Variants in PTPRN2 observed in about 807,000 individuals in gnomAD.
PTPRN2 encodes receptor-type tyrosine-protein phosphatase N2.
PTPRN2 carries 74 observed loss-of-function variants against 118.8 expected under a neutral mutation model. The observed-to-expected ratio is 0.62, with a 90% CI of 0.52 to 0.76. The LOEUF (loss-of-function observed/expected upper bound fraction) is 0.76, where lower values mean the gene tolerates loss of function less well. Among genes scored for constraint, PTPRN2 ranks in the 30% least tolerant of loss-of-function variants. The pLI is 0.00. For missense variants in PTPRN2, 1,481 were observed against 1,394.4 expected, an observed-to-expected ratio of 1.06 and a Z score of -0.99; for synonymous variants, 641 against 608.0, an observed-to-expected ratio of 1.05 and a Z score of -0.80.
At chr7:158,332,780 C>T (rs1335809612) in intron 2 of PTPRN2, among the ~76,000 whole-genome samples, 1 of 151,562 alleles carries the variant, frequency 6.6e-6, no homozygotes, top group Non-Finnish European at 1.5e-5. Flanking sequence ...CATACTCTCA[C>T]CATAAGAGCT....
At chr7:158,381,988 A>G (rs756787179) in intron 2 of PTPRN2, among the ~76,000 whole-genome samples, 1 of 152,108 alleles carries the variant, frequency 6.6e-6, no homozygotes, top group Non-Finnish European at 1.5e-5. Context: ...CCCACAATAC[A>G]TGGGAATTGT....
chr7:157,823,759 T>C (rs1252105339), intron 12 of PTPRN2, among the ~76,000 whole-genome samples: 1 of 152,206 alleles, frequency 6.6e-6, no homozygotes, highest in Non-Finnish European at 1.5e-5. Context: ...TAGTCTACCT[T>C]AAACATCTGG....
chr7:157,922,544 CT>C (rs1344724971), intron 11 of PTPRN2, among the ~76,000 whole-genome samples: 2 of 152,048 alleles, frequency 1.3e-5, no homozygotes, highest in Non-Finnish European at 2.9e-5. Flanking sequence ...CTTACCACTG[CT>C]AAGTGCTGAT....
At chr7:157,685,820 G>T (rs1363638123) in intron 12 of PTPRN2, among the ~76,000 whole-genome samples, 1 of 152,164 alleles carries the variant, frequency 6.6e-6, no homozygotes, top group African/African-American at 2.4e-5. Context: ...GGAGTCCCCG[G>T]AGGGGAAGCA....
intron 1 of PTPRN2, among the ~76,000 whole-genome samples, chr7:158,564,456 C>T (rs1289173214): frequency 6.6e-6 from 1 of 152,240 alleles, no homozygotes; most frequent in African/African-American, 2.4e-5. Context: ...CTGCCAGGCA[C>T]CACCCCCATC....
chr7:157,557,288 C>T (rs1368583590), intron 21 of PTPRN2, among the ~76,000 whole-genome samples: 5 of 151,690 alleles, frequency 3.3e-5, no homozygotes, highest in African/African-American at 9.7e-5. Context: ...ATCACATGTG[C>T]ACACAAACAC....
intron 3 of PTPRN2, among the ~76,000 whole-genome samples, chr7:158,228,826 T>C (rs759676729): frequency 3.9e-5 from 6 of 152,076 alleles, no homozygotes; most frequent in African/African-American, 7.2e-5. Flanking sequence ...GCTGGAGACC[T>C]GTTCCTGCTT....
At chr7:158,527,307 G>A (rs60960992) in intron 1 of PTPRN2, among the ~76,000 whole-genome samples, 4,410 of 146,012 alleles carry the variant, frequency 0.03, 218 homozygotes, top group African/African-American at 0.11. Flanking sequence ...CATGCCCCCC[G>A]CCACCGGAGC....
intron 5 of PTPRN2, among the ~76,000 whole-genome samples, chr7:158,171,342 T>TATAC (rs1823681009): frequency 1.6e-5 from 2 of 124,862 alleles, no homozygotes; most frequent in African/African-American, 3.3e-5. Context: ...TATATATATA[T>TATAC]ATATATACAC....
rs561688102 is a variant in PTPRN2, at chr7:157,951,531, G to A, written c.1724-52794C>T. Among the ~76,000 whole-genome samples the A allele has an allele frequency of 2.5e-3, 375 of 152,256 alleles. 3 individuals are homozygous for A. Among genetic ancestry groups the A allele is most frequent in the African/African-American group, 8.2e-3 (341 of 41,560 alleles). On this transcript the variant is annotated intron_variant, in intron 11 of 22. Coordinates refer to ENST00000389418, the MANE Select transcript of PTPRN2 (RefSeq NM_002847.5). ...GGAGGGTCCCATGGGGCTCCATCAC[G>A]GTCTCTGGGACCCCCCTTCCACTGC...
chr7:157,821,468 G>A (rs1042975861), intron 12 of PTPRN2, among the ~76,000 whole-genome samples: 12 of 152,188 alleles, frequency 7.9e-5, no homozygotes, highest in Non-Finnish European at 1.3e-4. Context: ...CACCATTGAT[G>A]AGCCTGAGAA....
chr7:158,355,542 G>T (rs1808321539), intron 2 of PTPRN2, among the ~76,000 whole-genome samples: 1 of 152,248 alleles, frequency 6.6e-6, no homozygotes, highest in African/African-American at 2.4e-5. Context: ...GCAATGGGCT[G>T]GCCACCAGCA....
rs1002468211 is a variant in PTPRN2, at chr7:158,574,857, G to A, written c.112+12701C>T. 1.3e-5 allele frequency among the ~76,000 whole-genome samples: 2 copies of A among 152,148 alleles called. No individual in the cohort carries two copies. Among genetic ancestry groups the A allele is most frequent in the African/African-American group, 2.4e-5 (1 of 41,430 alleles). On this transcript the variant is annotated intron_variant, in intron 1 of 22. Coordinates refer to ENST00000389418, the MANE Select transcript of PTPRN2 (RefSeq NM_002847.5). This position sits in a 1 kb window ranked among gnomAD's most constrained non-coding sequence, Gnocchi z 4.6. ...AGTGTCCTGCCTACTGCAGGATGTC[G>A]AACAACGTCCCTGTCCGCCATCCAC...
chr7:158,470,000 C>T (rs1052564598), intron 2 of PTPRN2, among the ~76,000 whole-genome samples: 1 of 146,866 alleles, frequency 6.8e-6, no homozygotes, highest in East Asian at 2.0e-4. Context: ...TGTCCTAGTG[C>T]CTCATAAAAG....
Position 157,874,979 on chromosome 7 carries a change from GCACA to G in PTPRN2, c.1788+23690_1788+23693del, listed in dbSNP as rs983413582. 4.0e-5 allele frequency among the ~76,000 whole-genome samples: 6 copies of G among 151,292 alleles called. No homozygotes were observed. The highest frequency in any genetic ancestry group is 8.8e-5 in the Non-Finnish European group (6 of 67,860). ...CTTGTGCACATACACAGAGACACAG[GCACA>G]CACAGGCAGACGCAAACGTGCATGC... is the stretch of plus-strand genomic sequence containing the variant. On this transcript the variant is annotated intron_variant, in intron 12 of 22. Coordinates refer to ENST00000389418, the MANE Select transcript of PTPRN2 (RefSeq NM_002847.5). This position sits in a 1 kb window ranked among gnomAD's most constrained non-coding sequence, Gnocchi z 5.8.
intron 12 of PTPRN2, among the ~76,000 whole-genome samples, chr7:157,811,781 C>A (rs879605812): frequency 1.3e-5 from 2 of 152,124 alleles, no homozygotes; most frequent in African/African-American, 4.8e-5. Context: ...GTCCAAACAG[C>A]GGGTCCAATT....
chr7:158,141,260 C>T (rs985050854), intron 6 of PTPRN2, among the ~76,000 whole-genome samples: 15 of 152,296 alleles, frequency 9.8e-5, no homozygotes, highest in Admixed American at 7.2e-4. Context: ...TTTTTGTCTG[C>T]GTCAAATGCA....
At chr7:157,695,780 G>GT (rs1797737359) in intron 12 of PTPRN2, among the ~76,000 whole-genome samples, 3 of 152,202 alleles carry the variant, frequency 2.0e-5, no homozygotes, top group African/African-American at 7.2e-5. Flanking sequence ...ATAAAAGAAG[G>GT]TAAGTCCATT....
chr7:157,984,208 G>A (rs1803537206), intron 11 of PTPRN2, among the ~76,000 whole-genome samples: 1 of 150,704 alleles, frequency 6.6e-6, no homozygotes. Flanking sequence ...CCCTGCCTGA[G>A]TCCTCTTCAC....
Sources: allele counts gnomAD v4.1 joint callset (sites outside exome capture counted in the v4.1 genomes callset), GRCh38; gene constraint gnomAD v4.1.1; non-coding constraint Gnocchi (gnomAD v3.1); transcripts MANE v1.5; gene names NCBI Gene and HGNC (gene_info 2026-07-23, HGNC 2026-07-21).